The following MRM1 variants were observed in gnomAD, a reference collection of about 807,000 sequenced individuals.
The protein encoded by MRM1 is rRNA methyltransferase 1, mitochondrial.
A neutral mutation model predicts 25.0 loss-of-function variants in MRM1; 24 were observed. That is an observed-to-expected ratio of 0.96 (90% CI 0.69 to 1.35). The LOEUF is 1.35. Among genes scored for constraint, MRM1 ranks in the 40% most tolerant of loss-of-function variants. MRM1 has a pLI of 0.00. For synonymous variants in MRM1, 188 were observed against 199.2 expected (o/e 0.94, Z 0.47); for missense variants, 431 against 464.1 (o/e 0.93, Z 0.65).
chr17:36,632,751 C>T, the MRM1 span, among the ~76,000 whole-genome samples: 3 of 152,038 alleles, frequency 2.0e-5, no homozygotes, highest in Non-Finnish European at 4.4e-5. Context: ...ACAGCAGAGA[C>T]GAAAAGAGCT....
chr17:36,629,728 T>TCG, the MRM1 span, among the ~76,000 whole-genome samples: 1 of 57,628 alleles, frequency 1.7e-5, no homozygotes, highest in Admixed American at 2.0e-4. Flanking sequence ...AGGGATGGGG[T>TCG]GGGGGGGGGC....
chr17:36,604,195 A>T (rs2074907731), intron 2 of MRM1, among the ~76,000 whole-genome samples: 1 of 152,082 alleles, frequency 6.6e-6, no homozygotes, highest in African/African-American at 2.4e-5. Flanking sequence ...GCAAGCAAAC[A>T]TTCCCCTCTC....
chr17:36,633,234 A>G, the MRM1 span, among the ~76,000 whole-genome samples: 1 of 152,010 alleles, frequency 6.6e-6, no homozygotes, highest in Non-Finnish European at 1.5e-5. Flanking sequence ...TTGCCTCCTT[A>G]ACCCCACTCC....
the MRM1 span, chr17:36,634,214 G>A: frequency 3.9e-5 from 6 of 152,190 alleles, no homozygotes; most frequent in African/African-American, 9.7e-5. Context: ...AAAAAGGAGC[G>A]AAAGAACTTG....
chr17:36,626,645 G>A, the MRM1 span, among the ~76,000 whole-genome samples: 1 of 152,182 alleles, frequency 6.6e-6, no homozygotes, highest in Non-Finnish European at 1.5e-5. Context: ...AGAGGTGTGA[G>A]CTACTGCACC....
chr17:36,610,377 C>T (rs956009636), downstream of MRM1, among the ~76,000 whole-genome samples: 18 of 151,950 alleles, frequency 1.2e-4, no homozygotes, highest in African/African-American at 4.4e-4. Flanking sequence ...GGACTACAGG[C>T]GCCCGCCACC....
downstream of MRM1, among the ~76,000 whole-genome samples, chr17:36,611,147 G>T (rs564735556): frequency 3.9e-5 from 6 of 152,338 alleles, no homozygotes; most frequent in South Asian, 4.1e-4. Context: ...TGATCTCATT[G>T]TGTGACCAGG....
At chr17:36,617,788 C>A in the MRM1 span, among the ~76,000 whole-genome samples, 1 of 152,154 alleles carries the variant, frequency 6.6e-6, no homozygotes, top group Non-Finnish European at 1.5e-5. Context: ...GCTTCTCCTC[C>A]CCCTTCACCT....
chr17:36,623,789 T>G, the MRM1 span, among the ~76,000 whole-genome samples: 75 of 152,202 alleles, frequency 4.9e-4, no homozygotes, highest in African/African-American at 1.8e-3. Context: ...GCTTGGAGCC[T>G]GTGTTGGGGT....
In MRM1 at chr17:36,608,051, C is replaced by T. The variant is rs777152511; in HGVS notation, c.889+33C>T. ...TACTCCCCTTTCCCTTTCCTCTATC[C>T]CTCTAATCACGCAGGTGGGATTTGA... On this transcript the variant is annotated intron_variant, in intron 4 of 4. Coordinates refer to ENST00000614766, the MANE Select transcript of MRM1 (RefSeq NM_024864.5). 3.1e-6 allele frequency: 5 copies of T among 1,608,480 alleles called. No homozygotes were observed. The East Asian group carries it at 8.9e-5, about 29-fold the overall frequency.
chr17:36,622,342 T>C, the MRM1 span, among the ~76,000 whole-genome samples: 1 of 151,988 alleles, frequency 6.6e-6, no homozygotes, highest in Non-Finnish European at 1.5e-5. Context: ...GAGGCCGAGG[T>C]GTGTGGATCA....
chr17:36,622,297 C>T, the MRM1 span, among the ~76,000 whole-genome samples: 3,577 of 152,048 alleles, frequency 0.024, 149 homozygotes, highest in African/African-American at 0.081. Context: ...TCAGACTGGG[C>T]GTGGTGGCTC....
the MRM1 span, among the ~76,000 whole-genome samples, chr17:36,618,626 C>T: frequency 5.9e-5 from 9 of 152,088 alleles, no homozygotes; most frequent in South Asian, 2.1e-4. Flanking sequence ...GGAGAGGTCA[C>T]GGAAATAGAG....
chr17:36,603,177 A>AC, intron 2 of MRM1: 1 of 970,574 alleles, frequency 1.0e-6, no homozygotes, highest in Non-Finnish European at 1.2e-6. Context: ...ACCCCCCCCA[A>AC]CCCCCACCCC....
chr17:36,615,991 AAACAACAACAAC>A, the MRM1 span, among the ~76,000 whole-genome samples: 37 of 151,080 alleles, frequency 2.4e-4, no homozygotes, highest in African/African-American at 8.5e-4. Flanking sequence ...AGACTGTCTC[AAACAACAACAAC>A]AACAACAACA....
Position 36,601,601 on chromosome 17 carries a change from C to T in MRM1, c.-210C>T. 1 of 480,342 alleles carries T rather than the reference C, an allele frequency of 2.1e-6. No individual in the cohort carries two copies. The highest frequency in any genetic ancestry group is 3.6e-6 in the Non-Finnish European group (1 of 281,524). 29.8% of individuals were successfully genotyped at this position (480,342 alleles called of 1,614,324 possible). The stretch of plus-strand genomic sequence containing the variant: ...GGCTCCCGAACCCGGAAGCGAGGGA[C>T]CCACGTGGGAGCCTGGGAGCGGGTG... On this transcript the variant is annotated 5_prime_UTR_variant, in exon 1 of 5. Coordinates refer to ENST00000614766, the MANE Select transcript of MRM1 (RefSeq NM_024864.5).
chr17:36,628,622 G>C, the MRM1 span, among the ~76,000 whole-genome samples: 1 of 152,158 alleles, frequency 6.6e-6, no homozygotes, highest in African/African-American at 2.4e-5. Flanking sequence ...TGCAGAAGCG[G>C]ACCCCCAGAG....
the MRM1 span, among the ~76,000 whole-genome samples, chr17:36,623,540 T>G: frequency 6.6e-6 from 1 of 152,150 alleles, no homozygotes; most frequent in Non-Finnish European, 1.5e-5. Flanking sequence ...TCCTCCTTCC[T>G]TCTACCCTCT....
intron 2 of MRM1, among the ~76,000 whole-genome samples, chr17:36,606,779 T>G (rs1384332514): frequency 1.3e-5 from 2 of 151,030 alleles, no homozygotes; most frequent in East Asian, 3.9e-4. Flanking sequence ...AGCTAATTTT[T>G]TGTGTGTTTT....
Sources: gnomAD v4.1 joint callset for allele counts (sites outside exome capture counted in the v4.1 genomes callset) on GRCh38, gnomAD v4.1.1 for gene constraint, MANE v1.5 for transcripts, NCBI Gene and HGNC (gene_info 2026-07-23, HGNC 2026-07-21) for gene names.